The following MMD2 variants were observed in gnomAD, a reference collection of about 807,000 sequenced individuals.
The protein encoded by MMD2 is monocyte to macrophage differentiation factor 2.
In MMD2, 30 loss-of-function variants were observed where a neutral mutation model predicts 33.5. The ratio of observed to expected loss-of-function variants is 0.90; its 90% CI spans 0.67 to 1.22. The LOEUF (loss-of-function observed/expected upper bound fraction) is 1.22, where lower values mean the gene tolerates loss of function less well. Among genes scored for constraint, MMD2 ranks in the 50% most tolerant of loss-of-function variants. MMD2 has a pLI of 0.00. For synonymous variants in MMD2, 129 were observed against 123.0 expected (o/e 1.05, Z -0.32); for missense variants, 364 against 325.4 (o/e 1.12, Z -0.91).
intron 1 of MMD2, among the ~76,000 whole-genome samples, chr7:4,939,705 C>T (rs6463189): frequency 0.3 from 45,689 of 151,228 alleles, 7,219 homozygotes; most frequent in Admixed American, 0.36. Context: ...TGTCAAATGG[C>T]GGTGCACACA....
intron 3 of MMD2, 69 bp downstream of exon 3, chr7:4,920,102 C>A: frequency 4.7e-6 from 7 of 1,496,544 alleles, no homozygotes; most frequent in Non-Finnish European, 6.3e-6. Flanking sequence ...TGGTTCACCC[C>A]CCGGGCTGCC....
intron 6 of MMD2, among the ~76,000 whole-genome samples, chr7:4,908,132 A>C (rs934420074): frequency 8.1e-5 from 12 of 148,100 alleles, no homozygotes; most frequent in African/African-American, 3.0e-4. Context: ...TTTATAACTT[A>C]TCTTATCTGG....
Position 4,920,284 on chromosome 7 carries a change from CA to C in MMD2, c.176del (p.Leu59ArgfsTer57), listed in dbSNP as rs759084313. Reference protein sequence around the residue: ...SILGSSNLYFLSDDDWETISA... With the variant: ...SILGSSNLYFXSDDDWETISA... ...AGATGGTCTCCCAGTCATCGTCCGA[CA>C]GGAAGTAGAGGTTGGAGCTGCCCAG... On this transcript the variant is annotated frameshift_variant, in exon 3 of 7. Transcript: ENST00000401401. LOFTEE classifies it high-confidence loss of function. The C allele has an allele frequency of 9.3e-6, 15 of 1,608,554 alleles. No individual in the cohort carries two copies. The highest frequency in any genetic ancestry group is 1.3e-5 in the Non-Finnish European group (15 of 1,177,878).
At position 4,907,501 on chromosome 7, in the gene MMD2, G is replaced by A. The variant is rs370135153; in HGVS notation, c.636C>T (p.His212=). The change falls in exon 7 of 7, where the codon CAC becomes CAT. Residue 212 remains histidine (H), a synonymous_variant. Coordinates refer to ENST00000401401, the MANE Select transcript of MMD2 (RefSeq NM_198403.4). The stretch of plus-strand genomic sequence containing the variant: ...ATGCTACAAAGAGATGCCAGATGGC[G>A]TGGGCAAAGGGGATCCTCCCGTCAC... ...FKSDGRIPFA[H]AIWHLFVAFG... 3.5e-5 allele frequency: 57 copies of A among 1,613,828 alleles called. No homozygotes were observed. The highest frequency in any genetic ancestry group is 1.8e-4 in the Admixed American group (11 of 60,000).
At chr7:4,949,214 A>C (rs192040698) in intron 1 of MMD2, among the ~76,000 whole-genome samples, 22 of 152,130 alleles carry the variant, frequency 1.4e-4, no homozygotes, top group Admixed American at 1.4e-3. Context: ...TGTCTCAAAA[A>C]ATTATTATTA....
chr7:4,924,673 C>T (rs939780813), intron 2 of MMD2, among the ~76,000 whole-genome samples: 2 of 152,156 alleles, frequency 1.3e-5, no homozygotes, highest in African/African-American at 4.8e-5. Flanking sequence ...TGTTGGGGAA[C>T]ATTTCAGCAA....
At chr7:4,931,265 C>T (rs1426852373) in intron 1 of MMD2, among the ~76,000 whole-genome samples, 2 of 151,990 alleles carry the variant, frequency 1.3e-5, no homozygotes, top group Non-Finnish European at 2.9e-5. Flanking sequence ...CCCACCTCAG[C>T]CTCCCGAGTA....
At chr7:4,951,308 C>G in intron 1 of MMD2, among the ~76,000 whole-genome samples, 1 of 152,022 alleles carries the variant, frequency 6.6e-6, no homozygotes, top group Non-Finnish European at 1.5e-5. Flanking sequence ...TTTAAAAGCC[C>G]TTAATGGTGC....
intron 1 of MMD2, among the ~76,000 whole-genome samples, chr7:4,927,943 C>G (rs114357613): frequency 2.6e-5 from 4 of 152,120 alleles, no homozygotes; most frequent in African/African-American, 4.8e-5. Flanking sequence ...TCTGCCTTGA[C>G]GCAAGTCTGT....
rs1784887816 is a variant in MMD2, at chr7:4,907,318, G to A, written c.*78C>T. ...CCCAATAAAGGGAAGACAGGCCTTG[G>A]CGCTGTGCTCTGGGTTAACGTTCAC... On this transcript the variant is annotated 3_prime_UTR_variant, in exon 7 of 7. Coordinates refer to ENST00000401401, the MANE Select transcript of MMD2 (RefSeq NM_198403.4). The A allele has an allele frequency of 1.4e-6, 2 of 1,424,064 alleles. No homozygotes were observed. The highest frequency in any genetic ancestry group is 1.2e-5 in the South Asian group (1 of 84,936). The allele number at this position is 1,424,064 out of a possible 1,614,324, so 88.2% of individuals were successfully genotyped here.
At chr7:4,915,527 GT>G (rs1408606016) in intron 4 of MMD2, among the ~76,000 whole-genome samples, 2 of 151,938 alleles carry the variant, frequency 1.3e-5, no homozygotes, top group Non-Finnish European at 2.9e-5. Context: ...ATCACTGGAG[GT>G]TAGGAGTTCG....
Position 4,915,983 on chromosome 7 carries a change from T to C in MMD2, c.365+22A>G, listed in dbSNP as rs961910966. 6 of 1,611,464 alleles carry C rather than the reference T, an allele frequency of 3.7e-6. No individual in the cohort carries two copies. In the African/African-American group the frequency reaches 4.0e-5, roughly 11 times the overall value. ...AAAAGAAAGGCCGCCAAGGGTTTGC[T>C]GGGCGGCGGGACGGTACTCACCAGG... On this transcript the variant is annotated intron_variant, in intron 4 of 6. Transcript: ENST00000401401.
intron 1 of MMD2, among the ~76,000 whole-genome samples, chr7:4,938,003 T>TTTTTTTTTTTTTTTTTTTTTTTTTTTTC (rs1785794785): frequency 6.5e-5 from 1 of 15,300 alleles, no homozygotes; most frequent in African/African-American, 2.6e-4. Flanking sequence ...TCTTTCTTTC[T>TTTTTTTTTTTTTTTTTTTTTTTTTTTTC]TTTTTTTTTT....
At chr7:4,916,673 G>A (rs551165601) in intron 3 of MMD2, among the ~76,000 whole-genome samples, 21 of 152,156 alleles carry the variant, frequency 1.4e-4, no homozygotes, top group Admixed American at 2.0e-4. Context: ...GTGAGCCACC[G>A]CACCTGGCCA....
chr7:4,899,671 C>G, the MMD2 span, among the ~76,000 whole-genome samples: 1 of 152,180 alleles, frequency 6.6e-6, no homozygotes, highest in Non-Finnish European at 1.5e-5. Context: ...GCTGGGATTA[C>G]AGGCTTGAGC....
intron 5 of MMD2, 93 bp downstream of exon 5, chr7:4,911,052 G>T: frequency 1.9e-6 from 2 of 1,068,374 alleles, no homozygotes; most frequent in Non-Finnish European, 2.8e-6. Flanking sequence ...ACGATTATGA[G>T]ATCATCCTGG....
At chr7:4,955,169 A>G (rs1786349957) in intron 1 of MMD2, among the ~76,000 whole-genome samples, 1 of 152,270 alleles carries the variant, frequency 6.6e-6, no homozygotes, top group African/African-American at 2.4e-5. Flanking sequence ...AAACACCTTT[A>G]CATGCATGAA....
intron 1 of MMD2, among the ~76,000 whole-genome samples, chr7:4,939,749 T>C (rs1341060619): frequency 4.0e-5 from 6 of 151,672 alleles, no homozygotes; most frequent in Admixed American, 6.6e-5. Context: ...TTTCTTTTTT[T>C]TTTTTTTTTG....
At chr7:4,947,237 G>T (rs759684034) in intron 1 of MMD2, among the ~76,000 whole-genome samples, 9 of 151,960 alleles carry the variant, frequency 5.9e-5, no homozygotes, top group Non-Finnish European at 1.0e-4. Flanking sequence ...GAGAAAAGCG[G>T]TTTAGTTGGT....
Sources: allele counts gnomAD v4.1 joint callset (sites outside exome capture counted in the v4.1 genomes callset), GRCh38; gene constraint gnomAD v4.1.1; transcripts MANE v1.5; gene names NCBI Gene and HGNC (gene_info 2026-07-23, HGNC 2026-07-21).